Variants in PDE4D observed in about 807,000 individuals in gnomAD.
The protein encoded by PDE4D is phosphodiesterase 4D, also known as 3',5'-cyclic-AMP phosphodiesterase 4D.
PDE4D carries 24 observed loss-of-function variants against 87.4 expected under a neutral mutation model. The ratio of observed to expected loss-of-function variants is 0.27; its 90% CI spans 0.20 to 0.39. The LOEUF is 0.39. Among genes scored for constraint, PDE4D ranks in the 10% least tolerant of loss-of-function variants. The pLI, the probability that PDE4D is intolerant of heterozygous loss-of-function variation, is 1.00. For missense variants in PDE4D, 714 were observed against 1,041.0 expected, an observed-to-expected ratio of 0.69 and a Z score of 4.32; for synonymous variants, 384 against 383.2, an observed-to-expected ratio of 1.00 and a Z score of -0.02.
chr5:59,035,192 T>C (rs889367201), intron 6 of PDE4D, among the ~76,000 whole-genome samples: 3 of 152,226 alleles, frequency 2.0e-5, no homozygotes, highest in African/African-American at 7.2e-5. Context: ...CACTAACCCT[T>C]ATTACATTTC....
chr5:59,122,985 C>T (rs568839782), intron 5 of PDE4D, among the ~76,000 whole-genome samples: 1 of 151,982 alleles, frequency 6.6e-6, no homozygotes, highest in South Asian at 2.1e-4. Flanking sequence ...TCAGACACAG[C>T]CTCTTAGGGT....
chr5:59,067,181 AT>A (rs33941389), intron 5 of PDE4D, among the ~76,000 whole-genome samples: 99,243 of 150,932 alleles, frequency 0.66, 32,783 homozygotes, highest in East Asian at 0.87. Flanking sequence ...CATTTGGCTG[AT>A]TTTTTTGTAT....
chr5:60,457,348 T>A (rs1171619565), intron 1 of PDE4D, among the ~76,000 whole-genome samples: 2 of 152,216 alleles, frequency 1.3e-5, no homozygotes, highest in Non-Finnish European at 2.9e-5. Context: ...AATTTTGATT[T>A]AAGAGATAGA....
chr5:59,997,976 G>A (rs1216241950), intron 2 of PDE4D, among the ~76,000 whole-genome samples: 2 of 152,188 alleles, frequency 1.3e-5, no homozygotes, highest in Non-Finnish European at 2.9e-5. Flanking sequence ...CAGCAGGCTG[G>A]TTCCATGGGA....
chr5:59,087,306 G>A (rs980891393), intron 5 of PDE4D, among the ~76,000 whole-genome samples: 2 of 152,012 alleles, frequency 1.3e-5, no homozygotes, highest in African/African-American at 2.4e-5. Flanking sequence ...AAAACATAGG[G>A]AGACCTTGTC....
intron 1 of PDE4D, among the ~76,000 whole-genome samples, chr5:60,312,449 A>G (rs1280273335): frequency 6.6e-6 from 1 of 152,238 alleles, no homozygotes; most frequent in Admixed American, 6.5e-5. Context: ...TAAAGGAAGA[A>G]AGTTTCATTG....
At chr5:59,818,865 G>A (rs1769301234) in intron 1 of PDE4D, among the ~76,000 whole-genome samples, 1 of 120,696 alleles carries the variant, frequency 8.3e-6, no homozygotes, top group Non-Finnish European at 1.8e-5. Flanking sequence ...AAAAAAAAAA[G>A]TAGATAAAAA....
At chr5:59,619,880 G>A (rs1830140103) in intron 1 of PDE4D, among the ~76,000 whole-genome samples, 1 of 152,166 alleles carries the variant, frequency 6.6e-6, no homozygotes, top group South Asian at 2.1e-4. Context: ...GTTAGAGGGA[G>A]GAAGGCAGTA....
intron 5 of PDE4D, among the ~76,000 whole-genome samples, chr5:59,163,060 G>A (rs1219175926): frequency 1.3e-5 from 2 of 150,144 alleles, no homozygotes; most frequent in South Asian, 2.1e-4. Flanking sequence ...AGCTTCCCAA[G>A]TAGCTGGGAT....
At chr5:59,843,131 T>A (rs1206287054) in intron 1 of PDE4D, among the ~76,000 whole-genome samples, 1 of 151,986 alleles carries the variant, frequency 6.6e-6, no homozygotes, top group Non-Finnish European at 1.5e-5. Flanking sequence ...GAAATGTGAG[T>A]CATGTCTTTG....
intron 1 of PDE4D, among the ~76,000 whole-genome samples, chr5:60,337,205 C>A (rs537317180): frequency 6.7e-6 from 1 of 149,720 alleles, no homozygotes; most frequent in Admixed American, 6.7e-5. Context: ...TGGTGGCAGG[C>A]ACCTATAATC....
intron 1 of PDE4D, among the ~76,000 whole-genome samples, chr5:59,639,867 G>A (rs1741266534): frequency 6.7e-6 from 1 of 149,610 alleles, no homozygotes; most frequent in African/African-American, 2.5e-5. Flanking sequence ...GATGGGATGG[G>A]GATTACACAG....
At chr5:60,395,852 G>A (rs1378166394) in intron 1 of PDE4D, among the ~76,000 whole-genome samples, 4 of 151,746 alleles carry the variant, frequency 2.6e-5, no homozygotes, top group Non-Finnish European at 5.9e-5. Flanking sequence ...CATTCCATGA[G>A]TTGTTTGAGC....
intron 2 of PDE4D, among the ~76,000 whole-genome samples, chr5:60,119,923 G>C (rs1246533141): frequency 6.6e-6 from 1 of 152,202 alleles, no homozygotes; most frequent in Non-Finnish European, 1.5e-5. Flanking sequence ...TGAAGCCACA[G>C]ATTCATATGA....
chr5:59,608,670 A>G (rs11959131), intron 1 of PDE4D, among the ~76,000 whole-genome samples: 4,659 of 152,270 alleles, frequency 0.031, 113 homozygotes, highest in Non-Finnish European at 0.048. Context: ...CAAGATTTAC[A>G]TAAGAGTAAG....
intron 6 of PDE4D, among the ~76,000 whole-genome samples, chr5:59,035,052 C>T (rs1308512519): frequency 1.3e-5 from 2 of 152,234 alleles, no homozygotes; most frequent in African/African-American, 4.8e-5. Context: ...AGCCCTGAGG[C>T]CCAGGCCGCT....
intron 1 of PDE4D, among the ~76,000 whole-genome samples, chr5:59,519,883 G>A (rs1349031956): frequency 6.7e-6 from 1 of 149,392 alleles, no homozygotes; most frequent in African/African-American, 2.5e-5. Flanking sequence ...GATTTGTTGG[G>A]CAAAGTGTAT....
intron 1 of PDE4D, among the ~76,000 whole-genome samples, chr5:60,236,803 T>C (rs1424159859): frequency 6.6e-6 from 1 of 151,802 alleles, no homozygotes; most frequent in African/African-American, 2.4e-5. Flanking sequence ...GGAATATGAG[T>C]AGAGCCTAGG....
chr5:59,441,983 A>G (rs1797689047), intron 1 of PDE4D, among the ~76,000 whole-genome samples: 2 of 151,948 alleles, frequency 1.3e-5, no homozygotes, highest in Admixed American at 6.5e-5. Context: ...CAATTCACAC[A>G]TCCATTATAG....
Sources: gnomAD v4.1 joint callset for allele counts (sites outside exome capture counted in the v4.1 genomes callset) on GRCh38, gnomAD v4.1.1 for gene constraint, MANE v1.5 for transcripts, NCBI Gene and HGNC (gene_info 2026-07-23, HGNC 2026-07-21) for gene names.